RARB: variants seen among roughly 807,000 people sequenced by gnomAD.
RARB encodes HBV-activated protein.
Under a neutral mutation model 51.9 loss-of-function variants are expected in RARB, and 17 were observed. The observed-to-expected ratio is 0.33, with a 90% CI of 0.22 to 0.49. The LOEUF (loss-of-function observed/expected upper bound fraction) is 0.49, where lower values mean the gene tolerates loss of function less well. Ranked by LOEUF, RARB falls within the 20% of genes least tolerant of loss-of-function variation. The pLI, the probability that RARB is intolerant of heterozygous loss-of-function variation, is 0.99. For synonymous variants in RARB, 215 were observed against 195.4 expected (o/e 1.10, Z -0.84); for missense variants, 369 against 550.8 (o/e 0.67, Z 3.30).
rs925091329 is a variant in RARB at position 25,105,060 on chromosome 3, TA to T, written c.-327-27097del. 7.5e-4 allele frequency among the ~76,000 whole-genome samples: 115 copies of T among 152,326 alleles called. 4 individuals are homozygous for T. The highest frequency in any genetic ancestry group is 2.5e-3 in the African/African-American group (102 of 41,580). ...AGAATTAATAGTTTAATAAAAAGCA[TA>T]AAATATTTTAAAAATTCTTGATTTA... is the stretch of plus-strand genomic sequence containing the variant. On this transcript the variant is annotated intron_variant, in intron 3 of 11. Coordinates refer to the RARB transcript ENST00000383772.
chr3:25,350,062 G>A (rs1459689793), intron 5 of RARB, among the ~76,000 whole-genome samples: 1 of 152,084 alleles, frequency 6.6e-6, no homozygotes, highest in Non-Finnish European at 1.5e-5. Context: ...CTTACAAGGT[G>A]CCTGGCTGTA....
intron 5 of RARB, among the ~76,000 whole-genome samples, chr3:25,220,717 C>T (rs778023781): frequency 2.0e-5 from 3 of 152,192 alleles, no homozygotes; most frequent in Non-Finnish European, 4.4e-5. Flanking sequence ...TGAGGCCTCC[C>T]AAGCCATACA....
intron 5 of RARB, among the ~76,000 whole-genome samples, chr3:25,267,439 A>G (rs1172909630): frequency 1.3e-5 from 2 of 152,258 alleles, no homozygotes; most frequent in East Asian, 3.9e-4. Context: ...CCTATTCCTT[A>G]TCCAGATGTC....
chr3:24,866,589 A>G (rs148679862), intron 2 of RARB, among the ~76,000 whole-genome samples: 238 of 152,218 alleles, frequency 1.6e-3, no homozygotes, highest in Non-Finnish European at 2.7e-3. Flanking sequence ...GGAAGATGTG[A>G]GCTCCCAACC....
chr3:25,307,152 G>T (rs1365493873), intron 5 of RARB, among the ~76,000 whole-genome samples: 1 of 152,100 alleles, frequency 6.6e-6, no homozygotes, highest in Admixed American at 6.5e-5. Context: ...GAGGCAGGCG[G>T]ATCAATTGAG....
chr3:25,251,872 G>A lies in RARB; in HGVS notation c.178+77297G>A, dbSNP rs115652169. 7.0e-3 allele frequency among the ~76,000 whole-genome samples: 1,058 copies of A among 152,100 alleles called. 7 individuals carry two copies. The highest frequency in any genetic ancestry group is 0.023 in the African/African-American group (974 of 41,514). On this transcript the variant is annotated intron_variant, in intron 5 of 11. Coordinates refer to the RARB transcript ENST00000383772. ...CAAATGTTTTCAATTTTGAAAAAGT[G>A]CAATTTATCAAATTTGTCTTTGCTT... is the stretch of plus-strand genomic sequence containing the variant.
chr3:24,861,732 C>T (rs1006481098), intron 2 of RARB, among the ~76,000 whole-genome samples: 7 of 152,112 alleles, frequency 4.6e-5, no homozygotes, highest in African/African-American at 1.7e-4. Flanking sequence ...CTTCTGCATT[C>T]AAGCTGCAGT....
intron 3 of RARB, among the ~76,000 whole-genome samples, chr3:25,530,049 C>T (rs1303880120): frequency 1.3e-5 from 2 of 152,156 alleles, no homozygotes; most frequent in African/African-American, 4.8e-5. Context: ...CCCCTTCATA[C>T]TATGATTACT....
intron 3 of RARB, among the ~76,000 whole-genome samples, chr3:25,541,769 C>A (rs1699392605): frequency 6.6e-6 from 1 of 152,120 alleles, no homozygotes; most frequent in South Asian, 2.1e-4. Context: ...TGTAAATATC[C>A]TCCTCTTTAC....
chr3:25,292,522 T>C (rs2125422533), intron 5 of RARB, among the ~76,000 whole-genome samples: 1 of 152,316 alleles, frequency 6.6e-6, no homozygotes, highest in East Asian at 1.9e-4. Context: ...TTGTAGTTTT[T>C]GTTAAAGTAG....
intron 5 of RARB, among the ~76,000 whole-genome samples, chr3:25,267,169 G>A (rs987057857): frequency 1.3e-5 from 2 of 152,216 alleles, no homozygotes; most frequent in Non-Finnish European, 2.9e-5. Context: ...TCTACAGGGA[G>A]ATATTCTGAA....
chr3:25,430,953 ATTT>A (rs147662338), intron 1 of RARB, among the ~76,000 whole-genome samples: 1 of 110,048 alleles, frequency 9.1e-6, no homozygotes, highest in Non-Finnish European at 1.9e-5. Context: ...TGTTCCAACG[ATTT>A]TTTTTTTTTT....
At chr3:25,375,127 A>T (rs1706420533) in intron 5 of RARB, among the ~76,000 whole-genome samples, 1 of 152,198 alleles carries the variant, frequency 6.6e-6, no homozygotes, top group African/African-American at 2.4e-5. Flanking sequence ...GTTACAGGAG[A>T]TCTGCCAGGG....
At chr3:25,165,623 C>T (rs547199610) in intron 4 of RARB, among the ~76,000 whole-genome samples, 5 of 152,264 alleles carry the variant, frequency 3.3e-5, no homozygotes, top group Admixed American at 2.0e-4. Context: ...TTGCCTACCA[C>T]CGCTTTTCTC....
At chr3:24,992,169 T>C (rs1051885314) in intron 2 of RARB, among the ~76,000 whole-genome samples, 5 of 152,192 alleles carry the variant, frequency 3.3e-5, no homozygotes, top group African/African-American at 1.2e-4. Flanking sequence ...ATATTTATAT[T>C]GTTTGGAAGA....
chr3:24,974,295 C>T (rs150806273), intron 2 of RARB, among the ~76,000 whole-genome samples: 35 of 152,070 alleles, frequency 2.3e-4, no homozygotes, highest in East Asian at 9.7e-4. Context: ...CACTTGATCA[C>T]GGTGAATAAT....
At chr3:25,442,827 A>G (rs573661032) in intron 1 of RARB, among the ~76,000 whole-genome samples, 5 of 152,236 alleles carry the variant, frequency 3.3e-5, no homozygotes, top group African/African-American at 1.2e-4. Flanking sequence ...CGGGAATTAC[A>G]TTCCCTGTAG....
intron 1 of RARB, among the ~76,000 whole-genome samples, chr3:25,434,345 T>C (rs12635733): frequency 0.055 from 8,393 of 152,218 alleles, 324 homozygotes; most frequent in Middle Eastern, 0.092. Context: ...GAGATTATAA[T>C]TGTCATTTTA....
chr3:25,057,823 C>G (rs781228184), intron 2 of RARB, among the ~76,000 whole-genome samples: 6 of 151,670 alleles, frequency 4.0e-5, no homozygotes, highest in African/African-American at 1.5e-4. Context: ...TTTTTACCAT[C>G]GAAAATGTAT....
Sources: gnomAD v4.1 joint callset for allele counts (sites outside exome capture counted in the v4.1 genomes callset) on GRCh38, gnomAD v4.1.1 for gene constraint, MANE v1.5 for transcripts, NCBI Gene and HGNC (gene_info 2026-07-23, HGNC 2026-07-21) for gene names.